Variants in MCHR2 observed in about 807,000 individuals in gnomAD.
The protein encoded by MCHR2 is melanin concentrating hormone receptor 2.
A neutral mutation model predicts 24.8 loss-of-function variants in MCHR2; 15 were observed. The ratio of observed to expected loss-of-function variants is 0.60; its 90% CI spans 0.40 to 0.93. MCHR2 has a LOEUF of 0.93. Among genes scored for constraint, MCHR2 ranks in the 40% least tolerant of loss-of-function variants. MCHR2 has a pLI of 0.00. For missense variants in MCHR2, 386 were observed against 408.7 expected (o/e 0.94, Z 0.48); for synonymous variants, 151 against 147.6 (o/e 1.02, Z -0.17).
intron 1 of MCHR2, among the ~76,000 whole-genome samples, chr6:99,978,768 G>A (rs1353571388): frequency 1.3e-5 from 2 of 152,106 alleles, no homozygotes; most frequent in Non-Finnish European, 2.9e-5. Context: ...CCCTGAAAGA[G>A]GATAGCATGT....
intron 3 of MCHR2, among the ~76,000 whole-genome samples, 198 bp from the exon 4 acceptor site, chr6:99,943,341 T>C (rs1774814212): frequency 6.6e-6 from 1 of 150,794 alleles, no homozygotes; most frequent in Admixed American, 6.6e-5. Flanking sequence ...TATTTATTTT[T>C]ATTATTATTA....
rs188214381 is a variant in MCHR2, at chr6:99,950,149, T to C, written c.183-2178A>G. On this transcript the variant is annotated intron_variant, in intron 2 of 5. Coordinates refer to ENST00000281806, the MANE Select transcript of MCHR2 (RefSeq NM_001040179.2). ...AATCAAAAAGAATTAAATAAAAGTG[T>C]GTCTAGATGATATTCTGTATAGTAC... Among the ~76,000 whole-genome samples the C allele has an allele frequency of 2.0e-5, 3 of 152,244 alleles. No homozygotes were observed. In the East Asian group the frequency reaches 5.8e-4, roughly 29 times the overall value.
At chr6:99,939,493 A>G (rs1372206617) in intron 4 of MCHR2, among the ~76,000 whole-genome samples, 1 of 152,086 alleles carries the variant, frequency 6.6e-6, no homozygotes, top group Admixed American at 6.6e-5. Context: ...TTTAACTTTT[A>G]GTTGTCTCAG....
At chr6:99,936,454 A>T (rs1443881716) in intron 4 of MCHR2, among the ~76,000 whole-genome samples, 7 of 151,510 alleles carry the variant, frequency 4.6e-5, no homozygotes, top group Non-Finnish European at 7.4e-5. Flanking sequence ...TATTGAAGGG[A>T]CTTTCCTGTC....
intron 5 of MCHR2, among the ~76,000 whole-genome samples, chr6:99,930,235 T>A (rs372273631): frequency 1.8e-3 from 276 of 152,214 alleles, no homozygotes; most frequent in African/African-American, 6.3e-3. Flanking sequence ...CTTCCCTTTG[T>A]GGGTAACCCG....
Position 99,970,089 on chromosome 6 carries a change from T to G in MCHR2, c.-27-13915A>C, listed in dbSNP as rs1775374032. ...GGTATATACCCAGTAATGGGATGGC[T>G]GGGTCAAATAGTATTTCTAGTTCTA... On this transcript the variant is annotated intron_variant, in intron 1 of 5. Coordinates refer to ENST00000281806, the MANE Select transcript of MCHR2 (RefSeq NM_001040179.2). 2.7e-5 allele frequency among the ~76,000 whole-genome samples: 4 copies of G among 150,652 alleles called. No individual in the cohort carries two copies. In the South Asian group the frequency reaches 8.6e-4, roughly 32 times the overall value.
At chr6:99,986,223 G>A (rs1382827838) in intron 1 of MCHR2, among the ~76,000 whole-genome samples, 3 of 152,052 alleles carry the variant, frequency 2.0e-5, no homozygotes, top group Non-Finnish European at 1.5e-5. Context: ...CATTGTTAGT[G>A]GAAATGTAAA....
At chr6:99,927,653 A>G (rs890609297) in intron 5 of MCHR2, among the ~76,000 whole-genome samples, 1 of 151,944 alleles carries the variant, frequency 6.6e-6, no homozygotes, top group Admixed American at 6.6e-5. Flanking sequence ...TTATTGGTGT[A>G]TAAGAATGCT....
chr6:99,965,258 A>T (rs1775275048), intron 1 of MCHR2, among the ~76,000 whole-genome samples: 1 of 152,174 alleles, frequency 6.6e-6, no homozygotes, highest in Non-Finnish European at 1.5e-5. Flanking sequence ...TCTTAGTCTT[A>T]ATTTTCTGCC....
At chr6:99,958,869 C>T (rs1333635223) in intron 1 of MCHR2, among the ~76,000 whole-genome samples, 2 of 152,086 alleles carry the variant, frequency 1.3e-5, no homozygotes, top group Non-Finnish European at 2.9e-5. Context: ...AAGGGGCTTC[C>T]TTGGGGACAG....
rs1361850784 is a variant in MCHR2, at chr6:99,970,658, T to A, written c.-27-14484A>T. On this transcript the variant is annotated intron_variant, in intron 1 of 5. Coordinates refer to ENST00000281806, the MANE Select transcript of MCHR2 (RefSeq NM_001040179.2). ...GCCCATGCCTATGTCCTGAATGGTA[T>A]TGCCTAGGTTTTCTTCTAGGGTTTT... Among the ~76,000 whole-genome samples, 8 of 152,192 alleles carry A rather than the reference T, an allele frequency of 5.3e-5. No homozygotes were observed. The East Asian group carries it at 5.8e-4, about 11-fold the overall frequency.
Position 99,919,853 on chromosome 6 carries a change from G to C in MCHR2, c.*1087C>G, listed in dbSNP as rs1024559723. 2.6e-5 allele frequency: 4 copies of C among 151,400 alleles called. No individual in the cohort carries two copies. The highest frequency in any genetic ancestry group is 7.3e-5 in the African/African-American group (3 of 41,154). The allele number at this position is 151,400 out of a possible 1,614,324, so 9.4% of individuals were successfully genotyped here. A position where few individuals can be genotyped will look rare whatever the true frequency, so the allele number is the denominator to read the frequency against. On this transcript the variant is annotated 3_prime_UTR_variant, in exon 6 of 6. Coordinates refer to ENST00000281806, the MANE Select transcript of MCHR2 (RefSeq NM_001040179.2). The stretch of plus-strand genomic sequence containing the variant: ...AGCAATTCTCCTGCCTCAGCCTCCT[G>C]AGTAGCTGGGACTACAGGCACACAC...
intron 4 of MCHR2, among the ~76,000 whole-genome samples, chr6:99,942,376 G>C (rs1277575646): frequency 6.6e-6 from 1 of 152,110 alleles, no homozygotes; most frequent in African/African-American, 2.4e-5. Context: ...CTCCGCCTCT[G>C]TCTTCACCTG....
chr6:99,931,983 C>T (rs566809294), intron 5 of MCHR2, among the ~76,000 whole-genome samples: 1 of 152,226 alleles, frequency 6.6e-6, no homozygotes, highest in South Asian at 2.1e-4. Flanking sequence ...CATCTTGGCT[C>T]CTCCCTCCAT....
chr6:99,966,585 CA>C (rs2114559205), intron 1 of MCHR2, among the ~76,000 whole-genome samples: 1 of 152,252 alleles, frequency 6.6e-6, no homozygotes, highest in Admixed American at 6.5e-5. Flanking sequence ...GAATGCCCAA[CA>C]ATATTTGGTA....
intron 1 of MCHR2, among the ~76,000 whole-genome samples, chr6:99,971,507 C>T (rs1775419253): frequency 6.6e-6 from 1 of 152,204 alleles, no homozygotes; most frequent in African/African-American, 2.4e-5. Context: ...CATCTGCAAA[C>T]AGGGACAATT....
At chr6:99,938,479 T>A (rs1774709865) in intron 4 of MCHR2, among the ~76,000 whole-genome samples, 1 of 152,132 alleles carries the variant, frequency 6.6e-6, no homozygotes, top group African/African-American at 2.4e-5. Context: ...GCATGTTGTT[T>A]AATTTACATA....
At chr6:99,944,086 T>C (rs1057190737) in intron 3 of MCHR2, among the ~76,000 whole-genome samples, 10 of 152,178 alleles carry the variant, frequency 6.6e-5, no homozygotes, top group African/African-American at 2.2e-4. Context: ...GTATAGACAA[T>C]GCAAATTCCT....
chr6:99,926,062 C>T (rs1294842616), intron 5 of MCHR2, among the ~76,000 whole-genome samples: 10 of 151,932 alleles, frequency 6.6e-5, no homozygotes, highest in Admixed American at 3.9e-4. Context: ...TCAATTCCCA[C>T]CTATGAGTGA....
Sources: allele counts gnomAD v4.1 joint callset (sites outside exome capture counted in the v4.1 genomes callset), GRCh38; gene constraint gnomAD v4.1.1; transcripts MANE v1.5; gene names NCBI Gene and HGNC (gene_info 2026-07-23, HGNC 2026-07-21).